GMDS: variants seen among roughly 807,000 people sequenced by gnomAD.
GMDS encodes the protein GDP-mannose 4,6-dehydratase.
GMDS carries 20 observed loss-of-function variants against 49.9 expected under a neutral mutation model. That is an observed-to-expected ratio of 0.40 (90% CI 0.28 to 0.58). GMDS has a LOEUF of 0.58. Among genes scored for constraint, GMDS ranks in the 20% least tolerant of loss-of-function variants. GMDS has a pLI of 0.42. For missense variants in GMDS, 362 were observed against 481.4 expected, an observed-to-expected ratio of 0.75 and a Z score of 2.32; for synonymous variants, 177 against 178.6, an observed-to-expected ratio of 0.99 and a Z score of 0.07.
rs528928361 is a variant in GMDS, at chr6:1,860,774, G to A, written c.771+69329C>T. On this transcript the variant is annotated intron_variant, in intron 7 of 10. Transcript: ENST00000380815. ...GGGTTGTAGGAACTTGATGGGGAAG[G>A]CAAAATCCAAGGGTACTTTAAGAAG... is the stretch of plus-strand genomic sequence containing the variant. 2.6e-5 allele frequency among the ~76,000 whole-genome samples: 4 copies of A among 152,304 alleles called. No homozygotes were observed. The South Asian group carries it at 8.3e-4, about 32-fold the overall frequency.
rs1383149382 is a variant in GMDS at position 1,997,847 on chromosome 6, AG to A, written c.346-36882del. Among the ~76,000 whole-genome samples, 7 of 152,260 alleles carry A rather than the reference AG, an allele frequency of 4.6e-5. No homozygotes were observed. The East Asian group carries it at 1.4e-3, about 29-fold the overall frequency. The stretch of plus-strand genomic sequence containing the variant: ...CTCTATAAAAACAAGCAGGCTATGA[AG>A]GGTCAATGAACACTGGAAGAAGACC... On this transcript the variant is annotated intron_variant, in intron 4 of 10. Coordinates refer to ENST00000380815, the MANE Select transcript of GMDS (RefSeq NM_001500.4).
chr6:2,193,870 TCCA>T (rs1779164767), intron 1 of GMDS, among the ~76,000 whole-genome samples: 1 of 151,704 alleles, frequency 6.6e-6, no homozygotes, highest in African/African-American at 2.4e-5. Context: ...ACTACAGGCA[TCCA>T]CCACCACGCC....
intron 7 of GMDS, among the ~76,000 whole-genome samples, chr6:1,750,704 A>G (rs980852692): frequency 6.6e-6 from 1 of 152,018 alleles, no homozygotes; most frequent in African/African-American, 2.4e-5. Flanking sequence ...AGTGGTGCCT[A>G]GAACACCAGT....
chr6:1,941,952 T>C (rs895962645), intron 6 of GMDS, among the ~76,000 whole-genome samples: 13 of 151,990 alleles, frequency 8.6e-5, no homozygotes, highest in African/African-American at 3.1e-4. Flanking sequence ...CTCGCTCACC[T>C]CTCCCACTGT....
chr6:2,222,841 C>T (rs532270372), intron 1 of GMDS, among the ~76,000 whole-genome samples: 101 of 152,190 alleles, frequency 6.6e-4, no homozygotes, highest in Non-Finnish European at 1.1e-3. Context: ...CAAACACCTG[C>T]CTAGATGTTG....
intron 4 of GMDS, among the ~76,000 whole-genome samples, chr6:1,999,619 G>C (rs1022268103): frequency 2.0e-5 from 3 of 150,492 alleles, no homozygotes; most frequent in African/African-American, 7.3e-5. Context: ...GTAGAATATA[G>C]TTTTAAAAAA....
chr6:1,974,220 T>C (rs1256161591), intron 4 of GMDS, among the ~76,000 whole-genome samples: 1 of 150,110 alleles, frequency 6.7e-6, no homozygotes, highest in African/African-American at 2.4e-5. Context: ...CCTCATGAGA[T>C]ACCTACATGT....
At chr6:2,027,936 AC>A (rs1470649962) in intron 4 of GMDS, among the ~76,000 whole-genome samples, 1 of 152,160 alleles carries the variant, frequency 6.6e-6, no homozygotes, top group Non-Finnish European at 1.5e-5. Context: ...GTTCTTCTAC[AC>A]TTTTGGACTC....
intron 1 of GMDS, among the ~76,000 whole-genome samples, chr6:2,178,211 A>C (rs1778369788): frequency 6.6e-6 from 1 of 152,220 alleles, no homozygotes; most frequent in South Asian, 2.1e-4. Flanking sequence ...GCACTGCTAT[A>C]AAGAAATACC....
intron 7 of GMDS, among the ~76,000 whole-genome samples, chr6:1,927,709 G>C (rs912733772): frequency 2.0e-5 from 3 of 152,206 alleles, no homozygotes; most frequent in Non-Finnish European, 4.4e-5. Flanking sequence ...TTTGGGAAGT[G>C]AGATGACAGC....
At chr6:1,728,207 A>C (rs1581515302) in intron 8 of GMDS, among the ~76,000 whole-genome samples, 1 of 152,314 alleles carries the variant, frequency 6.6e-6, no homozygotes, top group Non-Finnish European at 1.5e-5. Context: ...GGAAGGGAGG[A>C]CAATTGGTTA....
chr6:1,715,836 A>G (rs980179120), intron 9 of GMDS, among the ~76,000 whole-genome samples: 1 of 152,256 alleles, frequency 6.6e-6, no homozygotes, highest in Non-Finnish European at 1.5e-5. Flanking sequence ...AAGGGACTAT[A>G]GTACTTTCTA....
intron 9 of GMDS, among the ~76,000 whole-genome samples, chr6:1,702,952 T>C (rs1765593574): frequency 6.6e-6 from 1 of 152,180 alleles, no homozygotes; most frequent in Admixed American, 6.5e-5. Flanking sequence ...CCCAGATCAC[T>C]CTCCGTGAGG....
chr6:2,059,567 G>A (rs1473575538), intron 4 of GMDS, among the ~76,000 whole-genome samples: 1 of 147,768 alleles, frequency 6.8e-6, no homozygotes, highest in Admixed American at 6.8e-5. Context: ...AATTAGCCGG[G>A]CGTGGTAGCG....
chr6:2,122,081 T>C (rs1334292146), intron 2 of GMDS, among the ~76,000 whole-genome samples: 1 of 152,224 alleles, frequency 6.6e-6, no homozygotes, highest in Non-Finnish European at 1.5e-5. Context: ...CTTAGTAGTA[T>C]ACCTCATACA....
intron 7 of GMDS, among the ~76,000 whole-genome samples, chr6:1,813,014 T>C (rs890524656): frequency 6.6e-6 from 1 of 152,000 alleles, no homozygotes; most frequent in Non-Finnish European, 1.5e-5. Context: ...CTTGAGGCGG[T>C]CGAGACCAGC....
intron 2 of GMDS, among the ~76,000 whole-genome samples, chr6:2,124,144 T>C (rs1328545059): frequency 2.0e-5 from 3 of 151,992 alleles, no homozygotes; most frequent in Non-Finnish European, 4.4e-5. Flanking sequence ...AAAATTAATA[T>C]ATAAAACTAT....
At chr6:2,241,652 C>T (rs1268336451) in intron 1 of GMDS, among the ~76,000 whole-genome samples, 1 of 152,134 alleles carries the variant, frequency 6.6e-6, no homozygotes, top group Non-Finnish European at 1.5e-5. Context: ...GCCTGGCACC[C>T]CACACCCCAC....
intron 4 of GMDS, among the ~76,000 whole-genome samples, chr6:2,027,503 G>A (rs1439771240): frequency 6.6e-6 from 1 of 152,166 alleles, no homozygotes; most frequent in East Asian, 1.9e-4. Context: ...ATTCTTGCAA[G>A]TCCAGGAGAA....
Sources: gnomAD v4.1 joint callset for allele counts (sites outside exome capture counted in the v4.1 genomes callset) on GRCh38, gnomAD v4.1.1 for gene constraint, MANE v1.5 for transcripts, NCBI Gene and HGNC (gene_info 2026-07-23, HGNC 2026-07-21) for gene names.